The following TBC1D14 variants were observed in gnomAD, a reference collection of about 807,000 sequenced individuals.
TBC1D14 encodes the protein TBC1 domain family, member 14.
In TBC1D14, 26 loss-of-function variants were observed where a neutral mutation model predicts 79.0. The ratio of observed to expected loss-of-function variants is 0.33; its 90% CI spans 0.24 to 0.46. The LOEUF (loss-of-function observed/expected upper bound fraction) is 0.46, where lower values mean the gene tolerates loss of function less well. TBC1D14 is among the 20% of genes least tolerant of loss of function. The pLI is 1.00. For missense variants in TBC1D14, 769 were observed against 887.6 expected (o/e 0.87, Z 1.70); for synonymous variants, 394 against 349.9 (o/e 1.13, Z -1.40).
At chr4:7,024,926 G>T in intron 12 of TBC1D14, 78 bp from the exon 13 acceptor site, 1 of 1,571,168 alleles carries the variant, frequency 6.4e-7, no homozygotes. Flanking sequence ...GTTTTTCATG[G>T]AATCAGACTG....
intron 2 of TBC1D14, among the ~76,000 whole-genome samples, chr4:6,926,024 A>AT (rs1560249293): frequency 6.6e-6 from 1 of 152,182 alleles, no homozygotes; most frequent in Non-Finnish European, 1.5e-5. Context: ...GACCTGTGCC[A>AT]TGTCCAGCTC....
chr4:6,962,310 C>A (rs1715296225), intron 2 of TBC1D14, among the ~76,000 whole-genome samples: 1 of 152,080 alleles, frequency 6.6e-6, no homozygotes, highest in South Asian at 2.1e-4. Flanking sequence ...CTCAGGGAAC[C>A]CCGCTGCGAC....
intron 13 of TBC1D14, among the ~76,000 whole-genome samples, chr4:7,027,221 C>CA (rs1293305039): frequency 6.6e-6 from 1 of 151,816 alleles, no homozygotes. Context: ...AAAAAAACCC[C>CA]AAAAAAGCAG....
intron 7 of TBC1D14, among the ~76,000 whole-genome samples, chr4:7,001,694 G>A (rs1719694054): frequency 6.6e-6 from 1 of 152,160 alleles, no homozygotes; most frequent in African/African-American, 2.4e-5. Context: ...TGCGGTCCTT[G>A]GGGCTCTGGG....
chr4:7,020,775 G>A (rs1383436513), intron 12 of TBC1D14, among the ~76,000 whole-genome samples: 1 of 151,990 alleles, frequency 6.6e-6, no homozygotes, highest in Non-Finnish European at 1.5e-5. Context: ...ATCTTGGCTC[G>A]CTGCAGCCTC....
chr4:7,028,702 G>C (rs529088945), intron 13 of TBC1D14, among the ~76,000 whole-genome samples: 46 of 152,272 alleles, frequency 3.0e-4, no homozygotes, highest in African/African-American at 8.4e-4. Context: ...TGGGATTATA[G>C]GCGTGAGCCA....
At chr4:6,987,450 A>C in intron 3 of TBC1D14, 2 of 1,154,280 alleles carry the variant, frequency 1.7e-6, no homozygotes, top group Non-Finnish European at 2.2e-6. Context: ...GGCCCCGCGC[A>C]GGTGGAGGGT....
intron 3 of TBC1D14, among the ~76,000 whole-genome samples, chr4:6,973,885 G>A (rs1716474304): frequency 6.6e-6 from 1 of 152,038 alleles, no homozygotes; most frequent in Admixed American, 6.6e-5. Context: ...GTGCAGTGGC[G>A]CAATCTTGGC....
In TBC1D14 at chr4:6,978,693, T is replaced by G. The variant is rs56104308; in HGVS notation, c.843+11269T>G. Among the ~76,000 whole-genome samples, 5 of 137,708 alleles carry G rather than the reference T, an allele frequency of 3.6e-5. 1 individual carries two copies. The Admixed American group carries it at 3.6e-4, about 10-fold the overall frequency. The allele number at this position is 137,708 out of a possible 152,430, so 90.3% of individuals were successfully genotyped here. A position where few individuals can be genotyped will look rare whatever the true frequency, so the allele number is the denominator to read the frequency against. On this transcript the variant is annotated intron_variant, in intron 3 of 13. Transcript: ENST00000409757. ...CCTTCCCTCCACTATTGTCCCGTGA[T>G]CCTGCCAAATCCCCCTCTGCGAGAA...
intron 2 of TBC1D14, among the ~76,000 whole-genome samples, chr4:6,943,730 C>T (rs1000319342): frequency 3.3e-5 from 5 of 152,248 alleles, no homozygotes; most frequent in Non-Finnish European, 7.3e-5. Context: ...CCGCCCCCTC[C>T]TGGAACCTTG....
At chr4:6,953,758 C>T (rs1378479617) in intron 2 of TBC1D14, among the ~76,000 whole-genome samples, 1 of 151,388 alleles carries the variant, frequency 6.6e-6, no homozygotes, top group African/African-American at 2.4e-5. Flanking sequence ...AGCGATGGTT[C>T]TAGTGTAGGT....
At chr4:7,020,978 C>T (rs548563719) in intron 12 of TBC1D14, among the ~76,000 whole-genome samples, 1 of 152,210 alleles carries the variant, frequency 6.6e-6, no homozygotes, top group Non-Finnish European at 1.5e-5. Flanking sequence ...ATGTATGAAA[C>T]GAGCACTTTC....
intron 3 of TBC1D14, among the ~76,000 whole-genome samples, chr4:6,979,040 T>C (rs1717116300): frequency 6.6e-6 from 1 of 152,210 alleles, no homozygotes; most frequent in African/African-American, 2.4e-5. Context: ...AGTAAAATAC[T>C]GATTCTAAGT....
intron 3 of TBC1D14, among the ~76,000 whole-genome samples, chr4:6,979,792 A>G (rs928282413): frequency 6.6e-6 from 1 of 152,248 alleles, no homozygotes; most frequent in Non-Finnish European, 1.5e-5. Context: ...AGGTCTATTA[A>G]TATTATAAAA....
At chr4:6,951,000 G>A (rs753467908) in intron 2 of TBC1D14, among the ~76,000 whole-genome samples, 68 of 152,274 alleles carry the variant, frequency 4.5e-4, no homozygotes, top group Non-Finnish European at 6.2e-4. Flanking sequence ...GTTAAAACTC[G>A]TAGAACTGAG....
chr4:6,937,764 T>C (rs763803113), intron 2 of TBC1D14, among the ~76,000 whole-genome samples: 1 of 151,952 alleles, frequency 6.6e-6, no homozygotes, highest in East Asian at 1.9e-4. Flanking sequence ...GGTGATTACA[T>C]TGGGGCATGG....
intron 9 of TBC1D14, among the ~76,000 whole-genome samples, chr4:7,008,076 T>C (rs1176330540): frequency 6.6e-6 from 1 of 152,252 alleles, no homozygotes; most frequent in Non-Finnish European, 1.5e-5. Flanking sequence ...CATACTGGCC[T>C]AACAGGGCTG....
chr4:6,987,335 G>A (rs899691217), intron 3 of TBC1D14: 4 of 1,422,662 alleles, frequency 2.8e-6, no homozygotes, highest in Non-Finnish European at 3.7e-6. Flanking sequence ...CGCCTCTAAG[G>A]CCCCGGCGTT....
intron 3 of TBC1D14, among the ~76,000 whole-genome samples, chr4:6,976,117 CA>C: frequency 6.6e-6 from 1 of 152,154 alleles, no homozygotes; most frequent in South Asian, 2.1e-4. Flanking sequence ...AGAAATTATC[CA>C]GTCTGCATAG....
Sources: allele counts gnomAD v4.1 joint callset (sites outside exome capture counted in the v4.1 genomes callset), GRCh38; gene constraint gnomAD v4.1.1; transcripts MANE v1.5; gene names NCBI Gene and HGNC (gene_info 2026-07-23, HGNC 2026-07-21).